ASMTL: variants seen among roughly 807,000 people sequenced by gnomAD.
ASMTL encodes the protein acetylserotonin O-methyltransferase like.
Under a neutral mutation model 60.3 loss-of-function variants are expected in ASMTL, and 57 were observed. That is an observed-to-expected ratio of 0.95 (90% confidence interval 0.76 to 1.18). ASMTL has a LOEUF of 1.18. Among genes scored for constraint, ASMTL ranks in the 50% most tolerant of loss-of-function variants. ASMTL has a pLI of 0.00. For synonymous variants in ASMTL, 419 were observed against 373.0 expected, an observed-to-expected ratio of 1.12 and a Z score of -1.42; for missense variants, 981 against 852.6, an observed-to-expected ratio of 1.15 and a Z score of -1.88.
At chrX:1,432,774 A>G (rs2090835862) in intron 5 of ASMTL, among the ~76,000 whole-genome samples, 1 of 152,114 alleles carries the variant, frequency 6.6e-6, no homozygotes, top group Non-Finnish European at 1.5e-5. Context: ...GGTTGCAGTG[A>G]GCCGAGATCG....
At chrX:1,432,158 C>A in intron 6 of ASMTL, 111 bp downstream of exon 6, 1 of 857,546 alleles carries the variant, frequency 1.2e-6, no homozygotes, top group African/African-American at 1.7e-5. Context: ...GCCACACGGC[C>A]CCCGGAGCGG....
At chrX:1,407,160 T>G (rs1286074762) in intron 12 of ASMTL, among the ~76,000 whole-genome samples, 1 of 146,162 alleles carries the variant, frequency 6.8e-6, no homozygotes, top group Non-Finnish European at 1.5e-5. Flanking sequence ...GGTAGGTAGA[T>G]AGATGAATGG....
At chrX:1,436,699 G>A (rs1603451539) in intron 3 of ASMTL, among the ~76,000 whole-genome samples, 1 of 152,186 alleles carries the variant, frequency 6.6e-6, no homozygotes, top group Admixed American at 6.5e-5. Flanking sequence ...GTGTGTGGAT[G>A]GACCATGTTG....
chrX:1,449,068 C>G (rs2091293339), intron 1 of ASMTL, among the ~76,000 whole-genome samples: 1 of 152,084 alleles, frequency 6.6e-6, no homozygotes, highest in African/African-American at 2.4e-5. Context: ...ATTCTAACAC[C>G]TCAGTCAACT....
rs759594201 is a variant in ASMTL at position 1,427,865 on chromosome X, G to A, written c.766C>T (p.Arg256Cys). 8.1e-6 allele frequency: 13 copies of A among 1,613,146 alleles called. No homozygotes were observed. Among genetic ancestry groups the A allele is most frequent in the African/African-American group, 6.7e-5 (5 of 74,922 alleles). The change falls in exon 7 of 13, where the codon CGC becomes TGC. Residue 256 changes from arginine (R) to cysteine (C), a missense_variant. Arg to Cys is a radical substitution (Grantham distance 180). Transcript: ENST00000381317. ...SEPTQRDAGS[R>C]DEKAEAGEAG... ...TCTCCCGCCTCGGCCTTCTCATCGC[G>A]GCTGCCCGCGTCCCTCTGAGTGGGC...
intron 3 of ASMTL, among the ~76,000 whole-genome samples, chrX:1,436,552 C>T (rs1266929230): frequency 2.6e-5 from 4 of 152,140 alleles, no homozygotes; most frequent in Non-Finnish European, 2.9e-5. Context: ...CGGGGTTTCA[C>T]CATGTTGGCC....
At chrX:1,435,129 G>A (rs375634899) in intron 4 of ASMTL, 46 bp from the exon 5 acceptor site, 3 of 1,600,914 alleles carry the variant, frequency 1.9e-6, no homozygotes, top group Admixed American at 1.7e-5. Context: ...TGTGACCCGT[G>A]GGAGCTACAA....
At position 1,427,917 on chromosome X, in the gene ASMTL, G is replaced by GA. The variant is rs1389633462; in HGVS notation, c.713dup (p.Ser239GlnfsTer2). The GA allele has an allele frequency of 2.5e-6, 4 of 1,613,394 alleles. No homozygotes were observed. Among genetic ancestry groups the GA allele is most frequent in the Non-Finnish European group, 3.4e-6 (4 of 1,179,842 alleles). ...CCGAGCCGCCCCCCTCCACGTCACT[G>GA]AGGTCTTCGAAGGTGTCCGCGGCCG... On this transcript the variant is annotated frameshift_variant, in exon 7 of 13. Transcript: ENST00000381317. LOFTEE classifies it high-confidence loss of function.
At chrX:1,450,021 T>C (rs1398717933) in intron 1 of ASMTL, among the ~76,000 whole-genome samples, 3 of 144,958 alleles carry the variant, frequency 2.1e-5, no homozygotes, top group Non-Finnish European at 4.5e-5. Context: ...CTATCTCCCA[T>C]CACCAGTAAC....
chrX:1,447,206 C>G (rs1342337837), intron 1 of ASMTL, among the ~76,000 whole-genome samples: 1 of 152,242 alleles, frequency 6.6e-6, no homozygotes, highest in Admixed American at 6.5e-5. Flanking sequence ...CCAGAAAGAA[C>G]ACACCACCCC....
intron 12 of ASMTL, among the ~76,000 whole-genome samples, chrX:1,407,699 C>T (rs544123995): frequency 2.0e-5 from 3 of 151,538 alleles, no homozygotes; most frequent in African/African-American, 7.3e-5. Context: ...ACCTGAGCAA[C>T]ATAGTGAGAC....
chrX:1,434,041 C>T (rs1424785180), intron 5 of ASMTL, among the ~76,000 whole-genome samples: 5 of 152,172 alleles, frequency 3.3e-5, no homozygotes, highest in South Asian at 2.1e-4. Context: ...GGACCCGGCC[C>T]TTCACCTGTG....
At chrX:1,438,960 T>C (rs2091041667) in intron 3 of ASMTL, 137 bp downstream of exon 3, 1 of 951,692 alleles carries the variant, frequency 1.1e-6, no homozygotes, top group Non-Finnish European at 1.7e-6. Flanking sequence ...CATCTGCTGG[T>C]AGTTTGTGAT....
At chrX:1,435,783 G>A in intron 3 of ASMTL, 25 bp from the exon 4 acceptor site, 1 of 1,608,096 alleles carries the variant, frequency 6.2e-7, no homozygotes, top group Non-Finnish European at 8.5e-7. Flanking sequence ...GACAGAGGGA[G>A]TTGGTTCCCA....
At position 1,448,308 on chromosome X, in the gene ASMTL, C is replaced by A. The variant is rs748965439; in HGVS notation, c.93+4440G>T. Among the ~76,000 whole-genome samples, 14 of 149,952 alleles carry A rather than the reference C, an allele frequency of 9.3e-5. No homozygotes were observed. In the South Asian group the frequency reaches 3.0e-3, roughly 32 times the overall value. On this transcript the variant is annotated intron_variant, in intron 1 of 12. Coordinates refer to ENST00000381317, the MANE Select transcript of ASMTL (RefSeq NM_004192.4). The stretch of plus-strand genomic sequence containing the variant: ...ACACACCGCCATCTTGGATAAGCAC[C>A]ACCATCTTGGACACACACCATCTGG...
rs1307275928 is a variant in ASMTL, at chrX:1,403,330, A to G, written c.1805T>C (p.Val602Ala). 2 of 1,613,266 alleles carry G rather than the reference A, an allele frequency of 1.2e-6. No individual in the cohort carries two copies. Among genetic ancestry groups the G allele is most frequent in the African/African-American group, 2.7e-5 (2 of 75,020 alleles). ...GACACCCCCCAAGTGCACCACCTGC[A>G]CCTGGTGGAAGCCGTGCAGCTCCAG... ...CLLELHGFHQ[V>A]QVVHLGGVLD... Residue 602 changes from valine (V) to alanine (A), a missense_variant, in exon 13 of 13, where the codon GTG becomes GCG. Transcript: ENST00000381317.
chrX:1,421,547 G>C, intron 9 of ASMTL, 111 bp downstream of exon 9: 1 of 1,203,640 alleles, frequency 8.3e-7, no homozygotes, highest in Non-Finnish European at 1.2e-6. Flanking sequence ...AAGCCTTTGG[G>C]ATCTGTCAGA....
intron 1 of ASMTL, among the ~76,000 whole-genome samples, chrX:1,451,311 C>T (rs183263314): frequency 6.7e-6 from 1 of 149,154 alleles, no homozygotes; most frequent in Non-Finnish European, 1.5e-5. Flanking sequence ...TCTCCCCTTC[C>T]CCATCCCTAG....
chrX:1,414,775 G>A (rs2090169701), intron 11 of ASMTL, among the ~76,000 whole-genome samples: 1 of 152,092 alleles, frequency 6.6e-6, no homozygotes, highest in Non-Finnish European at 1.5e-5. Flanking sequence ...CTATCATGAT[G>A]TCCTGCAGGA....
Sources: gnomAD v4.1 joint callset for allele counts (sites outside exome capture counted in the v4.1 genomes callset) on GRCh38, gnomAD v4.1.1 for gene constraint, MANE v1.5 for transcripts, NCBI Gene and HGNC (gene_info 2026-07-23, HGNC 2026-07-21) for gene names.